EYA3: variants seen among roughly 807,000 people sequenced by gnomAD.
The protein encoded by EYA3 is protein phosphatase EYA3.
EYA3 carries 39 observed loss-of-function variants against 80.0 expected under a neutral mutation model. The ratio of observed to expected loss-of-function variants is 0.49; its 90% CI spans 0.38 to 0.64. The LOEUF is 0.64. Ranked by LOEUF, EYA3 falls within the 30% of genes least tolerant of loss-of-function variation. EYA3 has a pLI of 0.00. For missense variants in EYA3, 523 were observed against 676.1 expected (o/e 0.77, Z 2.51); for synonymous variants, 206 against 232.8 (o/e 0.88, Z 1.05).
At chr1:27,987,979 C>A (rs542727331) in intron 16 of EYA3, among the ~76,000 whole-genome samples, 1 of 152,288 alleles carries the variant, frequency 6.6e-6, no homozygotes, top group African/African-American at 2.4e-5. Flanking sequence ...GTGACCCTCC[C>A]ACCTTAACCT....
chr1:28,061,909 TTTTG>T (rs1553155410), intron 1 of EYA3, among the ~76,000 whole-genome samples: 23 of 152,004 alleles, frequency 1.5e-4, no homozygotes, highest in Admixed American at 7.2e-4. Context: ...AACGGTTTTT[TTTTG>T]TTTGTTTGTT....
Position 28,073,119 on chromosome 1 carries a change from A to AT in EYA3, c.-68-15026dup, listed in dbSNP as rs1645078670. ...ATGAAACTATTATATATATATATATATATATATATTTTTTTTTTTTTTTTT... is the reference window on the plus strand; with the variant it reads ...ATGAAACTATTATATATATATATATATTATATATATTTTTTTTTTTTTTTTT... On this transcript the variant is annotated intron_variant, in intron 1 of 17. Transcript: ENST00000373871. 4.2e-5 allele frequency among the ~76,000 whole-genome samples: 2 copies of AT among 47,422 alleles called. 1 individual carries two copies. Among genetic ancestry groups the AT allele is most frequent in the African/African-American group, 2.3e-4 (2 of 8,722 alleles). The allele number at this position is 47,422 out of a possible 152,430, so 31.1% of individuals were successfully genotyped here.
intron 1 of EYA3, among the ~76,000 whole-genome samples, chr1:28,072,864 T>A (rs1371309275): frequency 6.6e-6 from 1 of 151,622 alleles, no homozygotes; most frequent in African/African-American, 2.4e-5. Flanking sequence ...ATAAACAAAC[T>A]GCAGTATACC....
chr1:27,997,084 GCACTACC>G (rs760323317), intron 13 of EYA3, among the ~76,000 whole-genome samples: 10 of 152,102 alleles, frequency 6.6e-5, no homozygotes, highest in Non-Finnish European at 1.0e-4. Flanking sequence ...TCCAGTGTTG[GCACTACC>G]CACTCCCTAT....
At chr1:27,997,003 T>C (rs1319256577) in intron 13 of EYA3, among the ~76,000 whole-genome samples, 1 of 152,218 alleles carries the variant, frequency 6.6e-6, no homozygotes, top group Non-Finnish European at 1.5e-5. Context: ...ATTACAGGTG[T>C]GAGCCACTGT....
At chr1:28,025,399 G>A (rs937807095) in intron 7 of EYA3, among the ~76,000 whole-genome samples, 2 of 152,134 alleles carry the variant, frequency 1.3e-5, no homozygotes. Flanking sequence ...CCTCAATACT[G>A]AAAAGCATAA....
chr1:27,986,564 A>C (rs1043437502), intron 16 of EYA3, among the ~76,000 whole-genome samples: 1 of 151,272 alleles, frequency 6.6e-6, no homozygotes, highest in Non-Finnish European at 1.5e-5. Flanking sequence ...TGCCCGACTA[A>C]TTTTGTATTT....
chr1:28,025,085 C>T (rs1642693019), intron 7 of EYA3, among the ~76,000 whole-genome samples: 2 of 152,126 alleles, frequency 1.3e-5, no homozygotes, highest in African/African-American at 2.4e-5. Flanking sequence ...CATTCACTAT[C>T]CATGCTAAAA....
intron 1 of EYA3, among the ~76,000 whole-genome samples, chr1:28,076,173 T>G (rs900541507): frequency 1.3e-5 from 2 of 152,146 alleles, no homozygotes; most frequent in Non-Finnish European, 2.9e-5. Context: ...ACCATACTGG[T>G]CAATACCTTC....
Position 27,999,932 on chromosome 1 carries a change from A to C in EYA3, c.1083+28T>G, listed in dbSNP as rs1269574627. ...AGTTATTGAATGAAGTGTCTCAGTG[A>C]AGCACAGAAACAATTTAAAATGCTT... On this transcript the variant is annotated intron_variant, in intron 12 of 17. Transcript: ENST00000373871. 3 of 1,448,302 alleles carry C rather than the reference A, an allele frequency of 2.1e-6. No homozygotes were observed. In the South Asian group the frequency reaches 3.6e-5, roughly 17 times the overall value. 89.7% of individuals were successfully genotyped at this position (1,448,302 alleles called of 1,614,324 possible). A position where few individuals can be genotyped will look rare whatever the true frequency, so the allele number is the denominator to read the frequency against.
intron 2 of EYA3, among the ~76,000 whole-genome samples, chr1:28,052,660 T>A (rs1474679345): frequency 2.0e-5 from 3 of 152,276 alleles, no homozygotes; most frequent in African/African-American, 7.2e-5. Context: ...TGTAAAAATA[T>A]AGGCCGGAGG....
At chr1:28,066,247 T>G (rs2148918343) in intron 1 of EYA3, among the ~76,000 whole-genome samples, 1 of 152,240 alleles carries the variant, frequency 6.6e-6, no homozygotes, top group South Asian at 2.1e-4. Flanking sequence ...GCCTGTGAAA[T>G]TTTCCATTTA....
At position 27,989,710 on chromosome 1, in the gene EYA3, G is replaced by C. The variant is rs1639903996; in HGVS notation, c.1405C>G (p.Leu469Val). ...CCATTTCCATACCTGGACTGGATGA[G>C]AAGTAAGGACTTTAATGCAGTTCCT... ...WLGTALKSLL[L>V]IQSRKNCVNV... is the part of the protein sequence containing the mutation. The change falls in exon 15 of 18, where the codon CTC becomes GTC. Residue 469 changes from leucine to valine, a missense_variant. Physicochemically the swap from Leu to Val is conservative, Grantham distance 32. Transcript: ENST00000373871. 1 of 1,608,206 alleles carries C rather than the reference G, an allele frequency of 6.2e-7. No homozygotes were observed. Among genetic ancestry groups the C allele is most frequent in the Admixed American group, 1.7e-5 (1 of 59,548 alleles).
chr1:28,015,720 T>G (rs761184074), intron 8 of EYA3, among the ~76,000 whole-genome samples: 1 of 152,042 alleles, frequency 6.6e-6, no homozygotes, highest in Non-Finnish European at 1.5e-5. Flanking sequence ...TACCAAAACA[T>G]TGGAGACGAT....
chr1:28,058,656 C>T (rs1167446762), intron 1 of EYA3, among the ~76,000 whole-genome samples: 2 of 152,094 alleles, frequency 1.3e-5, no homozygotes, highest in Non-Finnish European at 2.9e-5. Flanking sequence ...TAGAGTGAAA[C>T]CTTGACTTTT....
At chr1:28,018,385 T>C (rs893572553) in intron 7 of EYA3, among the ~76,000 whole-genome samples, 4 of 152,196 alleles carry the variant, frequency 2.6e-5, no homozygotes, top group African/African-American at 4.8e-5. Flanking sequence ...AGGTGAACAA[T>C]GTAACTGATA....
At chr1:28,046,682 C>T (rs888436213) in intron 3 of EYA3, among the ~76,000 whole-genome samples, 5 of 151,952 alleles carry the variant, frequency 3.3e-5, no homozygotes, top group Non-Finnish European at 1.5e-5. Context: ...TTTTCTCTCA[C>T]GATGTACAAG....
chr1:28,035,326 C>A (rs1643385167), intron 6 of EYA3, among the ~76,000 whole-genome samples: 1 of 152,088 alleles, frequency 6.6e-6, no homozygotes, highest in Admixed American at 6.6e-5. Context: ...CTTAAAGATT[C>A]CAAGCTTCAG....
At chr1:28,029,886 T>G (rs1322581619) in intron 6 of EYA3, among the ~76,000 whole-genome samples, 1 of 152,100 alleles carries the variant, frequency 6.6e-6, no homozygotes, top group Non-Finnish European at 1.5e-5. Context: ...CAAGCCACCA[T>G]GCCAGGCCCC....
Sources: allele counts gnomAD v4.1 joint callset (sites outside exome capture counted in the v4.1 genomes callset), GRCh38; gene constraint gnomAD v4.1.1; transcripts MANE v1.5; gene names NCBI Gene and HGNC (gene_info 2026-07-23, HGNC 2026-07-21).